LATS2: variants seen among roughly 807,000 people sequenced by gnomAD.
LATS2 encodes serine/threonine-protein kinase LATS2.
In LATS2, 24 loss-of-function variants were observed where a neutral mutation model predicts 76.0. The observed-to-expected ratio is 0.32, with a 90% CI of 0.23 to 0.44. The LOEUF is 0.44. LATS2 is among the 20% of genes least tolerant of loss of function. The probability of loss-of-function intolerance (pLI) is 1.00; values close to 1 mark genes in which losing one functional copy is unlikely to be tolerated. For synonymous variants in LATS2, 692 were observed against 635.4 expected (o/e 1.09, Z -1.34); for missense variants, 1,286 against 1,481.2 (o/e 0.87, Z 2.16).
Position 21,037,771 on chromosome 13 carries a change from G to A in LATS2, c.342+7914C>T, listed in dbSNP as rs1463823538. Among the ~76,000 whole-genome samples the A allele has an allele frequency of 2.0e-5, 3 of 152,184 alleles. No homozygotes were observed. The East Asian group carries it at 5.8e-4, about 29-fold the overall frequency. On this transcript the variant is annotated intron_variant, in intron 2 of 7. Transcript: ENST00000382592. The stretch of plus-strand genomic sequence containing the variant: ...CTGGTCCCGCAGCAGGGCCAGCACT[G>A]GGCAGCCTGAGAGACAGGCAGAGTG...
rs6144947 is a variant in LATS2, at chr13:21,050,147, G to GATACATACATACATACATACATACATAC, written c.-204-3918_-204-3917insGTATGTATGTATGTATGTATGTATGTAT. Among the ~76,000 whole-genome samples, 145 of 53,722 alleles carry GATACATACATACATACATACATACATAC rather than the reference G, an allele frequency of 2.7e-3. 3 individuals carry two copies. Among genetic ancestry groups the GATACATACATACATACATACATACATAC allele is most frequent in the South Asian group, 0.01 (8 of 776 alleles). The allele number at this position is 53,722 out of a possible 152,430, so 35.2% of individuals were successfully genotyped here. On this transcript the variant is annotated intron_variant, in intron 1 of 7. Transcript: ENST00000382592. ...AGACAGATAGATAGATAGATAGATA[G>GATACATACATACATACATACATACATAC]ATACATACATACATACATACATACA...
Position 21,055,063 on chromosome 13 carries a change from T to C in LATS2, c.-205+6283A>G, listed in dbSNP as rs147198702. On this transcript the variant is annotated intron_variant, in intron 1 of 7. Coordinates refer to ENST00000382592, the MANE Select transcript of LATS2 (RefSeq NM_014572.3). ...AGGATGAAACGTTCCTTCAGTTTCA[T>C]AGAGAATGAAAGCATTTTTTCAGCT... Among the ~76,000 whole-genome samples the C allele has an allele frequency of 3.9e-3, 594 of 152,346 alleles. 10 individuals are homozygous for C. Among genetic ancestry groups the C allele is most frequent in the African/African-American group, 0.014 (572 of 41,576 alleles).
chr13:20,987,187 T>G (rs1407974448), intron 4 of LATS2, among the ~76,000 whole-genome samples: 1 of 150,960 alleles, frequency 6.6e-6, no homozygotes, highest in African/African-American at 2.4e-5. Flanking sequence ...AGAGCAAGAC[T>G]CCGTCTAAAA....
chr13:20,982,262 AT>A lies in LATS2; in HGVS notation c.2483-615del, dbSNP rs370240707. The stretch of plus-strand genomic sequence containing the variant: ...TGGAGTTCAATGATACACTACATAG[AT>A]GCAGGTTGGCTATAAGAGAGGGCTC... On this transcript the variant is annotated intron_variant, in intron 5 of 7. Transcript: ENST00000382592. Among the ~76,000 whole-genome samples, 23 of 152,366 alleles carry A rather than the reference AT, an allele frequency of 1.5e-4. No homozygotes were observed. In the East Asian group the frequency reaches 4.2e-3, roughly 28 times the overall value.
At chr13:21,028,348 G>A (rs2138374604) in intron 2 of LATS2, among the ~76,000 whole-genome samples, 1 of 152,148 alleles carries the variant, frequency 6.6e-6, no homozygotes, top group African/African-American at 2.4e-5. Flanking sequence ...ATTTGGGTTG[G>A]TTCCAAGTCT....
At chr13:21,007,702 A>ATATATAG (rs1261241223) in intron 2 of LATS2, among the ~76,000 whole-genome samples, 1 of 360 alleles carries the variant, frequency 2.8e-3, no homozygotes, top group Non-Finnish European at 0.012. Context: ...TATATATAGT[A>ATATATAG]TGTATATATA....
intron 3 of LATS2, among the ~76,000 whole-genome samples, chr13:20,989,705 C>G (rs1004169476): frequency 6.6e-6 from 1 of 152,154 alleles, no homozygotes; most frequent in Non-Finnish European, 1.5e-5. Flanking sequence ...CTGAGTTTAC[C>G]GACACACGGT....
intron 6 of LATS2, 127 bp from the exon 7 acceptor site, chr13:20,979,924 G>A (rs1009000455): frequency 1.9e-5 from 10 of 532,302 alleles, no homozygotes; most frequent in East Asian, 3.2e-5. Context: ...CGCACTGTGC[G>A]CAAGATGGAC....
chr13:20,977,361 G>A (rs1416411467), intron 7 of LATS2, among the ~76,000 whole-genome samples: 15 of 150,608 alleles, frequency 1.0e-4, no homozygotes, highest in African/African-American at 2.7e-4. Flanking sequence ...ACTGCAGCCT[G>A]GGATACAGAG....
At chr13:21,032,825 C>T (rs374973316) in intron 2 of LATS2, among the ~76,000 whole-genome samples, 11 of 152,192 alleles carry the variant, frequency 7.2e-5, no homozygotes, top group African/African-American at 2.4e-4. Context: ...AAGTGGGACT[C>T]GAAGGGTGGA....
chr13:20,987,758 G>A (rs1870223841), intron 4 of LATS2, 123 bp downstream of exon 4: 1 of 1,128,228 alleles, frequency 8.9e-7, no homozygotes, highest in East Asian at 2.4e-5. Context: ...CCAGACTGTC[G>A]CCCATTAGCC....
At chr13:20,993,170 T>G (rs1384093845) in intron 2 of LATS2, among the ~76,000 whole-genome samples, 1 of 151,670 alleles carries the variant, frequency 6.6e-6, no homozygotes, top group African/African-American at 2.4e-5. Context: ...CAGAGAGAGA[T>G]GCAGCACTGA....
At chr13:21,043,209 G>A (rs994474009) in intron 2 of LATS2, among the ~76,000 whole-genome samples, 19 of 151,692 alleles carry the variant, frequency 1.3e-4, no homozygotes, top group Admixed American at 6.6e-4. Flanking sequence ...GTGGTGTTGC[G>A]TGCCTGTAAT....
chr13:21,047,743 A>C (rs964737698), intron 1 of LATS2, among the ~76,000 whole-genome samples: 4 of 152,086 alleles, frequency 2.6e-5, no homozygotes, highest in Admixed American at 1.3e-4. Context: ...ACCCAGCCTT[A>C]CTATGTGTCA....
At chr13:21,011,182 T>G (rs113973597) in intron 2 of LATS2, among the ~76,000 whole-genome samples, 4,189 of 152,332 alleles carry the variant, frequency 0.027, 194 homozygotes, top group African/African-American at 0.096. Flanking sequence ...CGTTTCTACC[T>G]CCTCTCATCT....
At chr13:21,013,406 T>G (rs1045324845) in intron 2 of LATS2, among the ~76,000 whole-genome samples, 13 of 152,148 alleles carry the variant, frequency 8.5e-5, no homozygotes, top group Non-Finnish European at 1.6e-4. Context: ...CTTATAAAAG[T>G]AAAAATTAGT....
rs1235178798 is a variant in LATS2 at position 21,030,466 on chromosome 13, G to A, written c.342+15219C>T. Among the ~76,000 whole-genome samples, 4 of 151,784 alleles carry A rather than the reference G, an allele frequency of 2.6e-5. No individual in the cohort carries two copies. The East Asian group carries it at 7.8e-4, about 29-fold the overall frequency. ...TAGCCAGCCGTGGTGGCGGGCGCCT[G>A]TAGTCCCAGCTACTCGGCAGGCTGA... On this transcript the variant is annotated intron_variant, in intron 2 of 7. Coordinates refer to ENST00000382592, the MANE Select transcript of LATS2 (RefSeq NM_014572.3).
chr13:20,999,706 C>T (rs1870956455), intron 2 of LATS2, among the ~76,000 whole-genome samples: 1 of 152,110 alleles, frequency 6.6e-6, no homozygotes, highest in African/African-American at 2.4e-5. Context: ...CATCCTCCTG[C>T]CTCAGCCTCC....
At chr13:21,036,235 T>C (rs1258639114) in intron 2 of LATS2, among the ~76,000 whole-genome samples, 2 of 151,604 alleles carry the variant, frequency 1.3e-5, no homozygotes, top group Non-Finnish European at 2.9e-5. Context: ...TTTCATCATG[T>C]TGGCCAGGCT....
Sources: gnomAD v4.1 joint callset for allele counts (sites outside exome capture counted in the v4.1 genomes callset) on GRCh38, gnomAD v4.1.1 for gene constraint, MANE v1.5 for transcripts, NCBI Gene and HGNC (gene_info 2026-07-23, HGNC 2026-07-21) for gene names.